Variants in ARNT2 observed in about 807,000 individuals in gnomAD.
The protein encoded by ARNT2 is aryl hydrocarbon receptor nuclear translocator 2, also known as ARNT protein 2.
Under a neutral mutation model 91.7 loss-of-function variants are expected in ARNT2, and 36 were observed. The observed-to-expected ratio is 0.39, with a 90% CI of 0.30 to 0.52. The LOEUF is 0.52. Among genes scored for constraint, ARNT2 ranks in the 20% least tolerant of loss-of-function variants. The pLI is 0.72. For synonymous variants in ARNT2, 365 were observed against 347.1 expected, an observed-to-expected ratio of 1.05 and a Z score of -0.57; for missense variants, 775 against 939.3, an observed-to-expected ratio of 0.83 and a Z score of 2.29.
At chr15:80,555,336 A>G (rs1898161501) in intron 11 of ARNT2, 197 bp downstream of exon 11, 1 of 552,586 alleles carries the variant, frequency 1.8e-6, no homozygotes, top group Non-Finnish European at 3.2e-6. Context: ...GTACTATGTA[A>G]TAGGAGGAGA....
rs1648499048 is a variant in ARNT2, at chr15:80,565,297, G to A, written c.1316+2058G>A. Among the ~76,000 whole-genome samples, 5 of 152,308 alleles carry A rather than the reference G, an allele frequency of 3.3e-5. No homozygotes were observed. The South Asian group carries it at 1.0e-3, about 32-fold the overall frequency. On this transcript the variant is annotated intron_variant, in intron 12 of 18. Transcript: ENST00000303329. The stretch of plus-strand genomic sequence containing the variant: ...CCTTGTCTTTCCTATTAGGAATAGT[G>A]TTGCAATGAACCTGCAAGTCCAAGT...
chr15:80,505,924 GTTGTTTT>G (rs1897266499), intron 5 of ARNT2, among the ~76,000 whole-genome samples: 1 of 71,188 alleles, frequency 1.4e-5, no homozygotes, highest in African/African-American at 6.6e-5. Context: ...CCCAACATTT[GTTGTTTT>G]TTTTTTTTTT....
chr15:80,419,302 T>C (rs927821806), intron 1 of ARNT2, among the ~76,000 whole-genome samples: 1 of 152,194 alleles, frequency 6.6e-6, no homozygotes, highest in Non-Finnish European at 1.5e-5. Flanking sequence ...TCAGGTCCAC[T>C]GAGGCAGGGG....
intron 11 of ARNT2, chr15:80,562,772 C>T (rs1482338062): frequency 2.9e-6 from 1 of 340,344 alleles, no homozygotes; most frequent in Non-Finnish European, 5.4e-6. Context: ...GAAAAACGCT[C>T]TGGCTTGCAG....
At chr15:80,558,326 G>T (rs1162657165) in intron 11 of ARNT2, among the ~76,000 whole-genome samples, 1 of 144,668 alleles carries the variant, frequency 6.9e-6, no homozygotes, top group South Asian at 2.2e-4. Flanking sequence ...ACTTCATTAC[G>T]TCTGTGCTTT....
intron 1 of ARNT2, among the ~76,000 whole-genome samples, chr15:80,423,486 A>G (rs113346897): frequency 7.5e-4 from 114 of 152,336 alleles, no homozygotes; most frequent in Non-Finnish European, 1.1e-3. Context: ...TGAGATAAGC[A>G]TGTGTATATA....
chr15:80,533,022 C>T (rs1243404950), intron 8 of ARNT2, among the ~76,000 whole-genome samples: 1 of 152,154 alleles, frequency 6.6e-6, no homozygotes, highest in Non-Finnish European at 1.5e-5. Flanking sequence ...GCACCAGGAA[C>T]AGAAGCACTG....
intron 15 of ARNT2, among the ~76,000 whole-genome samples, chr15:80,579,829 A>G (rs1481883886): frequency 6.6e-6 from 1 of 152,222 alleles, no homozygotes. Context: ...GCAGGGGCCT[A>G]ATAAAGACAA....
Position 80,522,475 on chromosome 15 carries a change from G to A in ARNT2, c.877+8070G>A, listed in dbSNP as rs550858076. Among the ~76,000 whole-genome samples, 10 of 152,182 alleles carry A rather than the reference G, an allele frequency of 6.6e-5. 1 individual carries two copies. The highest frequency in any genetic ancestry group is 2.1e-4 in the South Asian group (1 of 4,824). ...AAATGTGTCATTAGGCAATTTAATC[G>A]TTGTGTGAACATCATGGCGTGCACT... is the stretch of plus-strand genomic sequence containing the variant. On this transcript the variant is annotated intron_variant, in intron 8 of 18. Transcript: ENST00000303329.
intron 5 of ARNT2, among the ~76,000 whole-genome samples, chr15:80,477,771 G>C (rs536950887): frequency 6.6e-6 from 1 of 152,296 alleles, no homozygotes; most frequent in East Asian, 1.9e-4. Flanking sequence ...GGGTACTGGG[G>C]ATTAAGACTT....
intron 17 of ARNT2, among the ~76,000 whole-genome samples, chr15:80,590,742 G>A (rs139737714): frequency 2.4e-4 from 37 of 152,290 alleles, no homozygotes; most frequent in Admixed American, 1.5e-3. Flanking sequence ...ACTCTTTCTC[G>A]TATGTAAAAA....
At chr15:80,543,188 C>A (rs1897939762) in intron 8 of ARNT2, among the ~76,000 whole-genome samples, 1 of 150,962 alleles carries the variant, frequency 6.6e-6, no homozygotes, top group Admixed American at 6.6e-5. Flanking sequence ...ACTGGGGAAG[C>A]AGGTCAGGTA....
chr15:80,553,315 C>T (rs1197410005), intron 10 of ARNT2, among the ~76,000 whole-genome samples: 2 of 152,056 alleles, frequency 1.3e-5, no homozygotes, highest in African/African-American at 4.8e-5. Flanking sequence ...CACATAAGGG[C>T]CTTAATTGTG....
intron 1 of ARNT2, among the ~76,000 whole-genome samples, chr15:80,441,039 A>G (rs1326402492): frequency 6.6e-6 from 1 of 152,218 alleles, no homozygotes; most frequent in African/African-American, 2.4e-5. Context: ...ATCCTTTATT[A>G]TCTCTCACTA....
At chr15:80,425,704 C>T (rs1895923234) in intron 1 of ARNT2, among the ~76,000 whole-genome samples, 1 of 151,656 alleles carries the variant, frequency 6.6e-6, no homozygotes. Context: ...TCACCCTCCA[C>T]CTGTTTTGGA....
chr15:80,546,097 T>G (rs182302337), intron 8 of ARNT2, among the ~76,000 whole-genome samples: 5 of 152,336 alleles, frequency 3.3e-5, no homozygotes, highest in African/African-American at 1.2e-4. Context: ...AGTAAGTGAT[T>G]GAGTTTTGCT....
chr15:80,456,692 A>G (rs988419522), intron 2 of ARNT2, among the ~76,000 whole-genome samples: 1 of 152,090 alleles, frequency 6.6e-6, no homozygotes, highest in African/African-American at 2.4e-5. Context: ...TTTCCTGGTA[A>G]CCTGGGTGTC....
rs1381529285 is a variant in ARNT2, at chr15:80,470,428, G to C, written c.405G>C (p.Glu135Asp). ...CGTACAAGCCTTCCTTCCTCACAGA[G>C]CAGGTACCCTGGTCATCACATCACC... is the stretch of plus-strand genomic sequence containing the variant. The part of the protein sequence containing the change: ...DGAYKPSFLT[E>D]QELKHLILEA... The change falls in exon 4 of 19, where the codon GAG (glutamate) becomes GAC (aspartate). Residue 135 changes from glutamate to aspartate, a missense_variant. Coordinates refer to ENST00000303329, the MANE Select transcript of ARNT2 (RefSeq NM_014862.4). 6.2e-7 allele frequency: 1 copy of C among 1,613,912 alleles called. No homozygotes were observed. Among genetic ancestry groups the C allele is most frequent in the Non-Finnish European group, 8.5e-7 (1 of 1,179,936 alleles).
At chr15:80,505,504 G>A (rs1897261274) in intron 5 of ARNT2, among the ~76,000 whole-genome samples, 1 of 152,158 alleles carries the variant, frequency 6.6e-6, no homozygotes, top group Admixed American at 6.5e-5. Flanking sequence ...CATTTATAGA[G>A]CCAAGCATAA....
Sources: gnomAD v4.1 joint callset for allele counts (sites outside exome capture counted in the v4.1 genomes callset) on GRCh38, gnomAD v4.1.1 for gene constraint, MANE v1.5 for transcripts, NCBI Gene and HGNC (gene_info 2026-07-23, HGNC 2026-07-21) for gene names.